Variants in PDE8B observed in about 807,000 individuals in gnomAD.
PDE8B encodes the protein phosphodiesterase 8B.
A neutral mutation model predicts 101.3 loss-of-function variants in PDE8B; 26 were observed. That is an observed-to-expected ratio of 0.26 (90% CI 0.19 to 0.36). PDE8B has a LOEUF of 0.36. Among genes scored for constraint, PDE8B ranks in the 10% least tolerant of loss-of-function variants. The pLI is 1.00. For synonymous variants in PDE8B, 424 were observed against 429.3 expected, an observed-to-expected ratio of 0.99 and a Z score of 0.15; for missense variants, 810 against 1,163.1, an observed-to-expected ratio of 0.70 and a Z score of 4.42.
At chr5:77,283,811 T>C (rs1765487251) in intron 1 of PDE8B, among the ~76,000 whole-genome samples, 1 of 152,214 alleles carries the variant, frequency 6.6e-6, no homozygotes, top group Non-Finnish European at 1.5e-5. Flanking sequence ...TGTGCACGTT[T>C]TGTGTAGACA....
intron 11 of PDE8B, among the ~76,000 whole-genome samples, chr5:77,402,224 T>C (rs1792430098): frequency 6.6e-6 from 1 of 151,930 alleles, no homozygotes; most frequent in African/African-American, 2.4e-5. Context: ...CCCAACAATA[T>C]CACTTAAAGT....
chr5:77,349,688 T>G (rs1184208100), intron 8 of PDE8B, 129 bp downstream of exon 8: 3 of 1,078,006 alleles, frequency 2.8e-6, no homozygotes, highest in Non-Finnish European at 4.2e-6. Context: ...ATCTATTATG[T>G]TTGCAAAATG....
At chr5:77,120,921 C>T in the PDE8B span, among the ~76,000 whole-genome samples, 1 of 152,218 alleles carries the variant, frequency 6.6e-6, no homozygotes, top group Non-Finnish European at 1.5e-5. Flanking sequence ...AGCTAGAGTA[C>T]ACAGCATGCA....
chr5:77,303,795 T>C (rs1198261382), intron 1 of PDE8B, among the ~76,000 whole-genome samples: 4 of 152,216 alleles, frequency 2.6e-5, no homozygotes, highest in Admixed American at 6.5e-5. Context: ...GTATGCATCA[T>C]TCTAAAACTT....
intron 10 of PDE8B, among the ~76,000 whole-genome samples, chr5:77,362,482 C>T (rs1349863857): frequency 6.6e-6 from 1 of 152,160 alleles, no homozygotes; most frequent in Non-Finnish European, 1.5e-5. Flanking sequence ...ATTTCCTGAC[C>T]TCCGCTTTAT....
At chr5:77,354,270 G>A (rs760260440) in intron 10 of PDE8B, among the ~76,000 whole-genome samples, 11 of 152,172 alleles carry the variant, frequency 7.2e-5, no homozygotes, top group Admixed American at 5.2e-4. Flanking sequence ...CAGTGAGCCC[G>A]TGAGGGTCTT....
chr5:77,294,506 A>T (rs1485063711), intron 1 of PDE8B, among the ~76,000 whole-genome samples: 1 of 152,186 alleles, frequency 6.6e-6, no homozygotes, highest in African/African-American at 2.4e-5. Context: ...ACTGCAACCT[A>T]ATATTTCAAA....
At chr5:77,206,697 G>T (rs1747532490), upstream of PDE8B, among the ~76,000 whole-genome samples, 1 of 152,038 alleles carries the variant, frequency 6.6e-6, no homozygotes, top group Non-Finnish European at 1.5e-5. Flanking sequence ...CTTCAAGGAG[G>T]CTGTGGAAAG....
At chr5:77,108,540 G>A in the PDE8B span, among the ~76,000 whole-genome samples, 2 of 152,026 alleles carry the variant, frequency 1.3e-5, no homozygotes, top group Non-Finnish European at 2.9e-5. Context: ...AAAATTAGCC[G>A]GGCATGGTGG....
intron 14 of PDE8B, 93 bp downstream of exon 14, chr5:77,409,150 G>C: frequency 1.9e-6 from 2 of 1,058,888 alleles, no homozygotes; most frequent in East Asian, 2.4e-5. Flanking sequence ...GGTTGCAGAA[G>C]TACCTGTTAT....
Position 77,363,835 on chromosome 5 carries a change from G to A in PDE8B, c.1167+10429G>A, listed in dbSNP as rs559399134. ...TGGTCCCCTCAATGTGTAGAGTAGG[G>A]GAGCTTGAGCTGAGGGTACAGTTGG... On this transcript the variant is annotated intron_variant, in intron 10 of 21. Coordinates refer to ENST00000264917, the MANE Select transcript of PDE8B (RefSeq NM_003719.5). Among the ~76,000 whole-genome samples the A allele has an allele frequency of 5.9e-5, 9 of 152,260 alleles. No individual in the cohort carries two copies. The East Asian group carries it at 7.7e-4, about 13-fold the overall frequency.
chr5:77,268,718 C>A (rs988030905), intron 1 of PDE8B, among the ~76,000 whole-genome samples: 41 of 151,648 alleles, frequency 2.7e-4, no homozygotes, highest in African/African-American at 9.9e-4. Flanking sequence ...ATGAATAGTA[C>A]TTCATTATGT....
At chr5:77,099,032 T>A in the PDE8B span, among the ~76,000 whole-genome samples, 2 of 152,224 alleles carry the variant, frequency 1.3e-5, no homozygotes, top group African/African-American at 4.8e-5. Context: ...ATTCAAACCA[T>A]AGCCATCATC....
chr5:77,227,877 G>T (rs181785519), intron 1 of PDE8B, among the ~76,000 whole-genome samples: 37 of 152,320 alleles, frequency 2.4e-4, no homozygotes, highest in Admixed American at 2.3e-3. Context: ...TACTTAGTTG[G>T]AGGAGTTGAA....
chr5:77,289,585 A>G (rs1316383517), intron 1 of PDE8B, among the ~76,000 whole-genome samples: 2 of 152,216 alleles, frequency 1.3e-5, no homozygotes, highest in African/African-American at 2.4e-5. Flanking sequence ...ATTTTATCCC[A>G]TTGTGACCTC....
intron 1 of PDE8B, among the ~76,000 whole-genome samples, chr5:77,253,530 A>G (rs1420590510): frequency 6.6e-6 from 1 of 152,228 alleles, no homozygotes; most frequent in Non-Finnish European, 1.5e-5. Flanking sequence ...AGAAAAAGAA[A>G]TTGAAGATGA....
chr5:77,281,712 C>T (rs1334527042), intron 1 of PDE8B, among the ~76,000 whole-genome samples: 1 of 152,202 alleles, frequency 6.6e-6, no homozygotes, highest in Non-Finnish European at 1.5e-5. Context: ...ATCACACTTG[C>T]AAAGTCCTTT....
intron 1 of PDE8B, among the ~76,000 whole-genome samples, chr5:77,301,884 T>G (rs1207023275): frequency 6.6e-6 from 1 of 152,120 alleles, no homozygotes; most frequent in African/African-American, 2.4e-5. Context: ...AACTGCAGTT[T>G]GGGGTTTTTT....
Position 77,216,489 on chromosome 5 carries a change from G to T in PDE8B, c.339+5225G>T, listed in dbSNP as rs201803405. On this transcript the variant is annotated intron_variant, in intron 1 of 21. Transcript: ENST00000264917. Reference sequence around the variant, plus strand: ...TCGTGAGACTTATTCACTATCATGAGAACAGTAAGGGGGGAACTGCCCCAT... The same window carrying T: ...TCGTGAGACTTATTCACTATCATGATAACAGTAAGGGGGGAACTGCCCCAT... 6.7e-4 allele frequency among the ~76,000 whole-genome samples: 102 copies of T among 152,124 alleles called. 1 individual carries two copies. The highest frequency in any genetic ancestry group is 1.2e-4 in the Non-Finnish European group (8 of 68,036).
Sources: gnomAD v4.1 joint callset for allele counts (sites outside exome capture counted in the v4.1 genomes callset) on GRCh38, gnomAD v4.1.1 for gene constraint, MANE v1.5 for transcripts, NCBI Gene and HGNC (gene_info 2026-07-23, HGNC 2026-07-21) for gene names.